The following LRRC69 variants were observed in gnomAD, a reference collection of about 807,000 sequenced individuals.
The protein encoded by LRRC69 is leucine-rich repeat-containing protein 69.
A neutral mutation model predicts 37.8 loss-of-function variants in LRRC69; 42 were observed. That is an observed-to-expected ratio of 1.11 (90% CI 0.87 to 1.44). The LOEUF is 1.44. LRRC69 is among the 40% of genes most tolerant of loss of function. The pLI, the probability that LRRC69 is intolerant of heterozygous loss-of-function variation, is 0.00. For synonymous variants in LRRC69, 141 were observed against 143.1 expected, an observed-to-expected ratio of 0.99 and a Z score of 0.11; for missense variants, 357 against 401.9, an observed-to-expected ratio of 0.89 and a Z score of 0.96.
At chr8:91,193,395 G>T (rs1224010822) in intron 6 of LRRC69, among the ~76,000 whole-genome samples, 2 of 142,492 alleles carry the variant, frequency 1.4e-5, no homozygotes, top group Middle Eastern at 3.6e-3. Context: ...AAAGGCATTG[G>T]TAGCTTGATG....
In LRRC69 at chr8:91,189,402, A is replaced by G. The variant is rs942641822; in HGVS notation, c.652-120A>G. On this transcript the variant is annotated intron_variant, in intron 5 of 7. Transcript: ENST00000448384. ...ATTTAGGACTTAAATCCACATTAGT[A>G]TTTACTGTGGATTTTTAGTCCTAAA... is the stretch of plus-strand genomic sequence containing the variant. The G allele has an allele frequency of 1.6e-5, 11 of 678,378 alleles. No individual in the cohort carries two copies. In the African/African-American group the frequency reaches 2.0e-4, roughly 12 times the overall value. 42.0% of individuals were successfully genotyped at this position (678,378 alleles called of 1,614,324 possible). A position where few individuals can be genotyped will look rare whatever the true frequency, so the allele number is the denominator to read the frequency against.
intron 5 of LRRC69, among the ~76,000 whole-genome samples, chr8:91,141,178 A>G (rs1808527583): frequency 6.6e-6 from 1 of 152,110 alleles, no homozygotes. Flanking sequence ...AATTTATGGC[A>G]ACACTGTCGG....
At chr8:91,166,171 C>T (rs1458294400) in intron 5 of LRRC69, among the ~76,000 whole-genome samples, 1 of 151,694 alleles carries the variant, frequency 6.6e-6, no homozygotes, top group African/African-American at 2.4e-5. Context: ...ATACTGTCTA[C>T]CATGAGGATT....
chr8:91,186,773 T>A (rs1265506305), intron 5 of LRRC69, among the ~76,000 whole-genome samples: 3 of 151,924 alleles, frequency 2.0e-5, no homozygotes, highest in Non-Finnish European at 4.4e-5. Flanking sequence ...GGGTAGTGGG[T>A]GTGGCCAGGA....
chr8:91,116,380 A>G (rs1354585438), intron 1 of LRRC69, among the ~76,000 whole-genome samples: 2 of 152,068 alleles, frequency 1.3e-5, no homozygotes, highest in African/African-American at 4.8e-5. Flanking sequence ...CATATTCAGT[A>G]CATTGCATAG....
chr8:91,183,624 AAG>A (rs1491043275), intron 5 of LRRC69, among the ~76,000 whole-genome samples: 6 of 151,632 alleles, frequency 4.0e-5, no homozygotes. Context: ...TAAAAAAAAA[AAG>A]AAGAAGATAA....
intron 1 of LRRC69, among the ~76,000 whole-genome samples, chr8:91,104,188 T>C (rs1255409679): frequency 1.3e-5 from 2 of 152,020 alleles, no homozygotes; most frequent in Non-Finnish European, 2.9e-5. Flanking sequence ...ACTACACCTT[T>C]ATTTCTTCCT....
chr8:91,142,408 T>C (rs1275451383), intron 5 of LRRC69, among the ~76,000 whole-genome samples: 1 of 152,128 alleles, frequency 6.6e-6, no homozygotes, highest in East Asian at 1.9e-4. Context: ...TTTGCTGTTA[T>C]CTAAAAATTT....
chr8:91,114,443 A>G (rs114069861), intron 1 of LRRC69, among the ~76,000 whole-genome samples: 19 of 66,966 alleles, frequency 2.8e-4, no homozygotes, highest in East Asian at 2.5e-3. Flanking sequence ...ATGTTTGTGT[A>G]TGTGTGTGTG....
Position 91,194,626 on chromosome 8 carries a change from T to A in LRRC69, c.753+5003T>A, listed in dbSNP as rs868206968. On this transcript the variant is annotated intron_variant, in intron 6 of 7. Transcript: ENST00000448384. ...TCCATTTCTTCTAGATTTTCTAGTT[T>A]ATTTGCGTAGAGGTGTTTGTAGTAT... Among the ~76,000 whole-genome samples, 828 of 152,136 alleles carry A rather than the reference T, an allele frequency of 5.4e-3. 10 individuals carry two copies. The highest frequency in any genetic ancestry group is 0.019 in the African/African-American group (802 of 41,502).
chr8:91,138,174 G>A (rs1464693388), intron 5 of LRRC69, among the ~76,000 whole-genome samples: 1 of 151,866 alleles, frequency 6.6e-6, no homozygotes, highest in Non-Finnish European at 1.5e-5. Flanking sequence ...TATATGTTGT[G>A]TATAAAATAT....
At chr8:91,120,035 T>TG (rs1006818277) in intron 1 of LRRC69, among the ~76,000 whole-genome samples, 4 of 151,684 alleles carry the variant, frequency 2.6e-5, no homozygotes, top group Admixed American at 1.3e-4. Context: ...ATCTTGGGGG[T>TG]GGGGGGGAAC....
intron 3 of LRRC69, among the ~76,000 whole-genome samples, chr8:91,128,003 AGAATT>A: frequency 1.3e-5 from 2 of 152,216 alleles, no homozygotes; most frequent in Middle Eastern, 3.4e-3. Flanking sequence ...CAACTAGAAA[AGAATT>A]GAATCAATCT....
intron 1 of LRRC69, among the ~76,000 whole-genome samples, chr8:91,107,163 C>T (rs935275447): frequency 5.3e-5 from 8 of 151,286 alleles, no homozygotes; most frequent in African/African-American, 1.9e-4. Flanking sequence ...GAGACAGAGT[C>T]TTGCTCTGTC....
At chr8:91,219,124 A>C, downstream of LRRC69, 1 of 442,956 alleles carries the variant, frequency 2.3e-6, no homozygotes. Flanking sequence ...AAAGGAAGAA[A>C]AATAATTCCA....
chr8:91,209,298 G>A (rs1809862129), intron 7 of LRRC69, among the ~76,000 whole-genome samples: 1 of 152,060 alleles, frequency 6.6e-6, no homozygotes, highest in African/African-American at 2.4e-5. Context: ...ACATGGTGGT[G>A]GGCACCTGTA....
At chr8:91,152,067 T>C (rs1172062407) in intron 5 of LRRC69, among the ~76,000 whole-genome samples, 1 of 151,788 alleles carries the variant, frequency 6.6e-6, no homozygotes, top group Admixed American at 6.6e-5. Flanking sequence ...TTTGCAAAAA[T>C]TTTCTCCTAT....
chr8:91,135,970 ATATTT>A (rs1808413098), intron 5 of LRRC69, among the ~76,000 whole-genome samples: 1 of 151,942 alleles, frequency 6.6e-6, no homozygotes, highest in African/African-American at 2.4e-5. Flanking sequence ...GCTATCACAA[ATATTT>A]TAATATATCA....
intron 5 of LRRC69, chr8:91,158,325 TTC>T: frequency 6.8e-7 from 1 of 1,477,362 alleles, no homozygotes; most frequent in South Asian, 1.1e-5. Flanking sequence ...GAATTTACCC[TTC>T]TGTTTCTAGT....
Sources: gnomAD v4.1 joint callset for allele counts (sites outside exome capture counted in the v4.1 genomes callset) on GRCh38, gnomAD v4.1.1 for gene constraint, MANE v1.5 for transcripts, NCBI Gene and HGNC (gene_info 2026-07-23, HGNC 2026-07-21) for gene names.